SGIP1: variants seen among roughly 807,000 people sequenced by gnomAD.
SGIP1 encodes SH3GL interacting endocytic adaptor 1.
Under a neutral mutation model 107.5 loss-of-function variants are expected in SGIP1, and 38 were observed. The observed-to-expected ratio is 0.35, with a 90% confidence interval of 0.27 to 0.46. SGIP1 has a LOEUF of 0.46. Ranked by LOEUF, SGIP1 falls within the 20% of genes least tolerant of loss-of-function variation. The probability of loss-of-function intolerance (pLI) is 1.00; values close to 1 mark genes in which losing one functional copy is unlikely to be tolerated. For missense variants in SGIP1, 929 were observed against 1,019.5 expected (o/e 0.91, Z 1.21); for synonymous variants, 365 against 366.1 (o/e 1.00, Z 0.03).
At chr1:66,711,912 G>T (rs1192715035) in intron 18 of SGIP1, among the ~76,000 whole-genome samples, 2 of 152,084 alleles carry the variant, frequency 1.3e-5, no homozygotes, top group Admixed American at 6.6e-5. Flanking sequence ...GAGAGCACTG[G>T]TATTATTGTC....
At chr1:66,690,481 C>T (rs2089573208) in intron 17 of SGIP1, 165 bp downstream of exon 17, 2 of 903,172 alleles carry the variant, frequency 2.2e-6, no homozygotes, top group Non-Finnish European at 1.7e-6. Context: ...GCAAAGGAGG[C>T]AAAGTGCTTT....
chr1:66,559,978 T>A (rs1454242850), intron 1 of SGIP1, among the ~76,000 whole-genome samples: 2 of 151,988 alleles, frequency 1.3e-5, no homozygotes, highest in African/African-American at 4.8e-5. Flanking sequence ...TTCTCATAAC[T>A]GAGGGGAGAG....
intron 20 of SGIP1, 145 bp downstream of exon 20, chr1:66,729,564 T>A (rs2093913910): frequency 8.9e-7 from 1 of 1,125,454 alleles, no homozygotes; most frequent in African/African-American, 1.6e-5. Flanking sequence ...GCACAGAACT[T>A]TTACCAGCTA....
chr1:66,533,722 G>A (rs1174062390), upstream of SGIP1: 1 of 152,452 alleles, frequency 6.6e-6, no homozygotes, highest in Non-Finnish European at 1.5e-5. Context: ...TAAGATTTCC[G>A]GCTGCACGGA....
rs1484895916 is a variant in SGIP1, at chr1:66,695,461, T to C, written c.1598T>C (p.Phe533Ser). 1.9e-6 allele frequency: 3 copies of C among 1,614,058 alleles called. No individual in the cohort carries two copies. Among genetic ancestry groups the C allele is most frequent in the Non-Finnish European group, 2.5e-6 (3 of 1,179,982 alleles). Reference protein sequence around the residue: ...VENEQPSLVWFDRGKFYLTFE... With the variant: ...VENEQPSLVWSDRGKFYLTFE... ...AATGAACAGCCTTCCCTCGTTTGGT[T>C]TGACAGAGGAAAGTTTTATTTGACT... The change falls in exon 18 of 25, where the codon TTT (phenylalanine) becomes TCT (serine). Residue 533 changes from phenylalanine to serine, a missense_variant. This residue lies in a region of SGIP1 where 341 missense variants were observed against 430.9 expected (regional missense o/e 0.79). Transcript: ENST00000371037.
At chr1:66,622,609 G>T (rs2071438834) in intron 1 of SGIP1, among the ~76,000 whole-genome samples, 1 of 152,174 alleles carries the variant, frequency 6.6e-6, no homozygotes, top group Non-Finnish European at 1.5e-5. Flanking sequence ...ACCAAAAGAA[G>T]CTAAAGGAAT....
chr1:66,709,012 G>C (rs557380620), intron 18 of SGIP1, among the ~76,000 whole-genome samples: 1 of 151,824 alleles, frequency 6.6e-6, no homozygotes, highest in South Asian at 2.1e-4. Context: ...TGTTTGTTTT[G>C]TTTTCTTTAC....
intron 3 of SGIP1, 32 bp downstream of exon 3, chr1:66,633,126 T>G (rs1022734825): frequency 2.1e-6 from 3 of 1,444,140 alleles, no homozygotes; most frequent in Non-Finnish European, 2.9e-6. Context: ...TTTACTGAGT[T>G]TGTGCTTCAA....
chr1:66,584,559 C>G (rs1553234723), intron 1 of SGIP1, among the ~76,000 whole-genome samples: 1 of 148,416 alleles, frequency 6.7e-6, no homozygotes, highest in Non-Finnish European at 1.5e-5. Flanking sequence ...TGGGTTTTTT[C>G]TTCTTTTTTC....
In SGIP1 at chr1:66,743,933, G is replaced by A. The variant is rs942574870; in HGVS notation, c.*838G>A. 6.6e-6 allele frequency: 1 copy of A among 152,368 alleles called. No homozygotes were observed. The highest frequency in any genetic ancestry group is 1.9e-4 in the East Asian group (1 of 5,198). The allele number at this position is 152,368 out of a possible 1,614,324, so 9.4% of individuals were successfully genotyped here. On this transcript the variant is annotated 3_prime_UTR_variant, in exon 25 of 25. Transcript: ENST00000371037. ...CAGTTTCGCAAATGTGGGGATTGCT[G>A]AATAATCAGTCAGACTAAAACCAAA...
At chr1:66,742,491 A>G (rs1344946828) in intron 24 of SGIP1, among the ~76,000 whole-genome samples, 1 of 14,958 alleles carries the variant, frequency 6.7e-5, no homozygotes, top group Non-Finnish European at 1.8e-4. Flanking sequence ...TTTTTTTGAG[A>G]CGGAGTCTCA....
chr1:66,722,384 A>T (rs2093581236), intron 19 of SGIP1, among the ~76,000 whole-genome samples: 1 of 152,006 alleles, frequency 6.6e-6, no homozygotes, highest in Non-Finnish European at 1.5e-5. Flanking sequence ...TCTCTCTAAC[A>T]TCTTTTATGT....
chr1:66,682,411 G>T (rs1345666724), intron 15 of SGIP1, 42 bp downstream of exon 15: 1 of 1,567,066 alleles, frequency 6.4e-7, no homozygotes, highest in Non-Finnish European at 8.6e-7. Flanking sequence ...ACGGGGAATG[G>T]CCATGGCTGC....
At chr1:66,641,889 G>A (rs1472717623) in intron 5 of SGIP1, among the ~76,000 whole-genome samples, 2 of 152,038 alleles carry the variant, frequency 1.3e-5, no homozygotes, top group Non-Finnish European at 2.9e-5. Context: ...TTTCTCCTAT[G>A]GCTGACTGAT....
rs192836457 is a variant in SGIP1, at chr1:66,606,759, T to C, written c.11-19088T>C. ...ATCATTCACTGTTTTTACACATTAATGCAAAAACTATATATATTGAGTTCC... is the reference window on the plus strand; with the variant it reads ...ATCATTCACTGTTTTTACACATTAACGCAAAAACTATATATATTGAGTTCC... On this transcript the variant is annotated intron_variant, in intron 1 of 24. Coordinates refer to ENST00000371037, the MANE Select transcript of SGIP1 (RefSeq NM_032291.4). Among the ~76,000 whole-genome samples, 241 of 152,358 alleles carry C rather than the reference T, an allele frequency of 1.6e-3. 6 individuals carry two copies. The highest frequency in any genetic ancestry group is 6.0e-4 in the Non-Finnish European group (41 of 68,034).
At chr1:66,569,999 T>C (rs2148584378) in intron 1 of SGIP1, among the ~76,000 whole-genome samples, 1 of 151,968 alleles carries the variant, frequency 6.6e-6, no homozygotes, top group South Asian at 2.1e-4. Context: ...GTTATCAACT[T>C]GTGGGCATAG....
At chr1:66,561,766 A>G (rs2058981332) in intron 1 of SGIP1, among the ~76,000 whole-genome samples, 1 of 152,030 alleles carries the variant, frequency 6.6e-6, no homozygotes, top group Non-Finnish European at 1.5e-5. Flanking sequence ...TTCAACTGAC[A>G]TTGTTACTGC....
chr1:66,700,356 G>A (rs1430033141), intron 18 of SGIP1, among the ~76,000 whole-genome samples: 5 of 138,796 alleles, frequency 3.6e-5, no homozygotes, highest in African/African-American at 1.4e-4. Context: ...GGGTGACAGG[G>A]TGAGACTCCA....
chr1:66,566,801 G>A (rs1371164136), intron 1 of SGIP1, among the ~76,000 whole-genome samples: 4 of 151,788 alleles, frequency 2.6e-5, no homozygotes, highest in Non-Finnish European at 4.4e-5. Flanking sequence ...CCATCAACCC[G>A]TCATCTAGGT....
Sources: gnomAD v4.1 joint callset for allele counts (sites outside exome capture counted in the v4.1 genomes callset) on GRCh38, gnomAD v4.1.1 for gene constraint, gnomAD v4.1.1 regional missense constraint, MANE v1.5 for transcripts, NCBI Gene and HGNC (gene_info 2026-07-23, HGNC 2026-07-21) for gene names.